The following CREB5 variants were observed in gnomAD, a reference collection of about 807,000 sequenced individuals.
CREB5 encodes the protein cyclic AMP-responsive element-binding protein 5.
Under a neutral mutation model 57.1 loss-of-function variants are expected in CREB5, and 19 were observed. The ratio of observed to expected loss-of-function variants is 0.33; its 90% confidence interval spans 0.23 to 0.49. The LOEUF (loss-of-function observed/expected upper bound fraction) is 0.49. Ranked by LOEUF, CREB5 falls within the 20% of genes least tolerant of loss-of-function variation. CREB5 has a pLI of 0.99. For missense variants in CREB5, 579 were observed against 671.6 expected (o/e 0.86, Z 1.52); for synonymous variants, 238 against 238.3 (o/e 1.00, Z 0.01).
At chr7:28,786,543 AGGCCTATGGCCTACCTAGGTACTT>A (rs1807339834) in intron 7 of CREB5, among the ~76,000 whole-genome samples, 5 of 149,060 alleles carry the variant, frequency 3.4e-5, no homozygotes, top group Admixed American at 2.3e-4. Flanking sequence ...CCACTGCGCC[AGGCCTATGGCCTACCTAGGTACTT>A]TAATTTGAAT....
At chr7:28,309,790 G>A (rs1785244458) in intron 1 of CREB5, among the ~76,000 whole-genome samples, 1 of 152,144 alleles carries the variant, frequency 6.6e-6, no homozygotes, top group African/African-American at 2.4e-5. Flanking sequence ...CCACATCATA[G>A]CTCCTGGCCC....
chr7:28,308,471 T>C (rs888081970), intron 1 of CREB5, among the ~76,000 whole-genome samples: 4 of 152,212 alleles, frequency 2.6e-5, no homozygotes, highest in Admixed American at 6.5e-5. Context: ...TAGGTATTAC[T>C]AGTAGCCTCA....
chr7:28,630,207 C>T (rs1798151628), intron 5 of CREB5, among the ~76,000 whole-genome samples: 1 of 152,154 alleles, frequency 6.6e-6, no homozygotes. Context: ...TGACTAAGCC[C>T]ATCAATCTCT....
intron 6 of CREB5, among the ~76,000 whole-genome samples, chr7:28,723,562 A>G (rs1002320318): frequency 2.6e-5 from 4 of 152,218 alleles, no homozygotes; most frequent in Non-Finnish European, 5.9e-5. Context: ...AGCTGCGTAG[A>G]GTAGCAGGGT....
chr7:28,623,692 C>T (rs1039043426), intron 5 of CREB5, among the ~76,000 whole-genome samples: 3 of 152,072 alleles, frequency 2.0e-5, no homozygotes, highest in African/African-American at 7.2e-5. Context: ...GATTCCCCTG[C>T]CCGTGGCTTA....
At chr7:28,720,647 G>A (rs1802979720) in intron 6 of CREB5, among the ~76,000 whole-genome samples, 1 of 152,046 alleles carries the variant, frequency 6.6e-6, no homozygotes, top group Admixed American at 6.6e-5. Flanking sequence ...TGCAACACTG[G>A]GCCAGAGGAC....
intron 1 of CREB5, among the ~76,000 whole-genome samples, chr7:28,366,720 CT>C (rs1232153190): frequency 1.3e-5 from 2 of 152,194 alleles, no homozygotes; most frequent in Non-Finnish European, 2.9e-5. Flanking sequence ...ATTGGACATC[CT>C]TCTGCAAATC....
chr7:28,738,735 C>T (rs1473459284), intron 7 of CREB5, among the ~76,000 whole-genome samples: 1 of 152,230 alleles, frequency 6.6e-6, no homozygotes, highest in Non-Finnish European at 1.5e-5. Context: ...AGCTAAAGAA[C>T]TGCGTATGCT....
chr7:28,695,866 C>G (rs1371920904), intron 5 of CREB5, among the ~76,000 whole-genome samples: 4 of 152,156 alleles, frequency 2.6e-5, no homozygotes, highest in Non-Finnish European at 4.4e-5. Flanking sequence ...CCAAACAGCC[C>G]CACTTTGCAC....
intron 1 of CREB5, among the ~76,000 whole-genome samples, chr7:28,394,582 T>C (rs945715617): frequency 6.6e-6 from 1 of 152,214 alleles, no homozygotes; most frequent in Non-Finnish European, 1.5e-5. Context: ...CTAGTAACAG[T>C]TAAGCAGAGG....
intron 5 of CREB5, among the ~76,000 whole-genome samples, chr7:28,607,735 CTGTGTGTGTGTG>C (rs573980917): frequency 0.16 from 20,791 of 129,072 alleles, 1,856 homozygotes; most frequent in East Asian, 0.26. Flanking sequence ...GCCCACAGGG[CTGTGTGTGTGTG>C]TGTGTGTGTG....
At chr7:28,471,626 C>T (rs1038673951) in intron 1 of CREB5, among the ~76,000 whole-genome samples, 1 of 152,100 alleles carries the variant, frequency 6.6e-6, no homozygotes, top group African/African-American at 2.4e-5. Flanking sequence ...ATTGTTTTGT[C>T]CATTTTATAA....
intron 7 of CREB5, among the ~76,000 whole-genome samples, chr7:28,798,063 T>A (rs1029947033): frequency 5.3e-5 from 8 of 152,216 alleles, no homozygotes; most frequent in Admixed American, 4.6e-4. Context: ...CATATTTGTA[T>A]GTAGAGAGCC....
At chr7:28,725,746 A>G (rs1172300688) in intron 7 of CREB5, among the ~76,000 whole-genome samples, 2 of 152,158 alleles carry the variant, frequency 1.3e-5, no homozygotes, top group Admixed American at 1.3e-4. Context: ...TTCTTCATGT[A>G]TATGAATAAA....
At chr7:28,354,254 T>C (rs1454206547) in intron 1 of CREB5, among the ~76,000 whole-genome samples, 1 of 152,108 alleles carries the variant, frequency 6.6e-6, no homozygotes, top group Non-Finnish European at 1.5e-5. Flanking sequence ...CAAAGGAGAT[T>C]AACATTGAGT....
At chr7:28,683,207 G>T (rs146644325) in intron 5 of CREB5, among the ~76,000 whole-genome samples, 9 of 152,120 alleles carry the variant, frequency 5.9e-5, no homozygotes, top group Non-Finnish European at 1.3e-4. Flanking sequence ...GGCCAAATGG[G>T]TGAAAAAGGA....
In CREB5 at chr7:28,307,330, T is replaced by C. The variant is rs1785208486; in HGVS notation, c.-25+7889T>C. Among the ~76,000 whole-genome samples the C allele has an allele frequency of 2.0e-5, 3 of 152,180 alleles. No homozygotes were observed. The South Asian group carries it at 6.2e-4, about 32-fold the overall frequency. On this transcript the variant is annotated intron_variant, in intron 1 of 9. Transcript: ENST00000396299. Reference sequence around the variant, plus strand: ...GCCTCATGAATGGATTAGTGTCTAATAAAGGGGTTTGAGGGGGCAAGTTTG... The same window carrying C: ...GCCTCATGAATGGATTAGTGTCTAACAAAGGGGTTTGAGGGGGCAAGTTTG...
At chr7:28,389,653 G>C (rs1323526693) in intron 1 of CREB5, among the ~76,000 whole-genome samples, 1 of 150,088 alleles carries the variant, frequency 6.7e-6, no homozygotes, top group South Asian at 2.1e-4. Flanking sequence ...TTTTTTAAAG[G>C]GTTCATAAAC....
At chr7:28,322,078 G>C (rs1332722356) in intron 1 of CREB5, among the ~76,000 whole-genome samples, 1 of 152,098 alleles carries the variant, frequency 6.6e-6, no homozygotes, top group Non-Finnish European at 1.5e-5. Context: ...TAACCAACTG[G>C]TCTACCCCAG....
Sources: allele counts gnomAD v4.1 joint callset (sites outside exome capture counted in the v4.1 genomes callset), GRCh38; gene constraint gnomAD v4.1.1; transcripts MANE v1.5; gene names NCBI Gene and HGNC (gene_info 2026-07-23, HGNC 2026-07-21).